Variants in MAP4 observed in about 807,000 individuals in gnomAD.
MAP4 encodes microtubule-associated protein 4.
Under a neutral mutation model 170.2 loss-of-function variants are expected in MAP4, and 76 were observed. The ratio of observed to expected loss-of-function variants is 0.45; its 90% CI spans 0.37 to 0.54. The LOEUF (loss-of-function observed/expected upper bound fraction) is 0.54. MAP4 is among the 20% of genes least tolerant of loss of function. The pLI is 0.00. For missense variants in MAP4, 2,506 were observed against 2,748.0 expected, an observed-to-expected ratio of 0.91 and a Z score of 1.97; for synonymous variants, 909 against 994.5, an observed-to-expected ratio of 0.91 and a Z score of 1.62.
rs2100034953 is a variant in MAP4, at chr3:47,909,699, G to A, written c.4722C>T (p.His1574=). 9 of 1,613,984 alleles carry A rather than the reference G, an allele frequency of 5.6e-6. No homozygotes were observed. Among genetic ancestry groups the A allele is most frequent in the Admixed American group, 1.7e-5 (1 of 60,026 alleles). ...CTTCTACTGGCACTCCAGGAAGGAG[G>A]TGACCTTTTGCTAGCTCTGTGACTT... The part of the protein sequence containing the change: ...VEKVTELAKG[H]LLPGVPVEDQ... Residue 1574 remains histidine (H), a synonymous_variant, in exon 9 of 21, where the codon CAC becomes CAT. Transcript: ENST00000683076.
intron 1 of MAP4, among the ~76,000 whole-genome samples, chr3:48,034,563 G>A (rs953481003): frequency 2.0e-5 from 3 of 151,920 alleles, no homozygotes; most frequent in African/African-American, 7.3e-5. Context: ...AAAGAGCTAA[G>A]CATTGTGGCA....
At chr3:48,052,365 CGT>C (rs1352883351) in intron 1 of MAP4, among the ~76,000 whole-genome samples, 1 of 152,082 alleles carries the variant, frequency 6.6e-6, no homozygotes, top group African/African-American at 2.4e-5. Flanking sequence ...GGATTATAGG[CGT>C]GCACTATCAC....
At chr3:47,895,999 A>C (rs1326454714) in intron 10 of MAP4, among the ~76,000 whole-genome samples, 1 of 151,952 alleles carries the variant, frequency 6.6e-6, no homozygotes, top group Non-Finnish European at 1.5e-5. Flanking sequence ...TGAAAGAAGC[A>C]ATCTGGGGTG....
rs182225289 is a variant in MAP4 at position 48,011,535 on chromosome 3, A to G, written c.-20+4799T>C. On this transcript the variant is annotated intron_variant, in intron 1 of 20. Transcript: ENST00000683076. The stretch of plus-strand genomic sequence containing the variant: ...GCCACTGCACTCCAGCCTACGTAAC[A>G]GAGCAAGACTCCGTCTCAAAAAAAA... Among the ~76,000 whole-genome samples the G allele has an allele frequency of 1.3e-4, 20 of 151,460 alleles. No homozygotes were observed. The East Asian group carries it at 1.9e-3, about 15-fold the overall frequency.
intron 1 of MAP4, among the ~76,000 whole-genome samples, chr3:48,055,066 G>C (rs973321785): frequency 6.6e-6 from 1 of 152,168 alleles, no homozygotes; most frequent in Non-Finnish European, 1.5e-5. Flanking sequence ...GCCAAGTAGG[G>C]TATCCAGGAA....
At chr3:47,942,847 C>A (rs2100057343) in intron 3 of MAP4, among the ~76,000 whole-genome samples, 1 of 152,172 alleles carries the variant, frequency 6.6e-6, no homozygotes, top group Non-Finnish European at 1.5e-5. Context: ...TGGCGGCTCA[C>A]ACCTGTAATC....
At chr3:47,857,378 A>G (rs942326398) in intron 18 of MAP4, 53 bp downstream of exon 18, 37 of 1,477,240 alleles carry the variant, frequency 2.5e-5, no homozygotes, top group Non-Finnish European at 3.2e-5. Context: ...CAGCTGACCC[A>G]TGGCAGGACG....
At chr3:47,891,132 G>T (rs1305597365) in intron 10 of MAP4, 1 of 1,536,200 alleles carries the variant, frequency 6.5e-7, no homozygotes, top group South Asian at 1.2e-5. Context: ...TTCTCTCCTC[G>T]CTGGCAAACC....
chr3:48,011,342 A>G (rs373853757), intron 1 of MAP4, among the ~76,000 whole-genome samples: 80 of 152,260 alleles, frequency 5.3e-4, no homozygotes, highest in African/African-American at 1.9e-3. Context: ...CAGCCTGGCC[A>G]ACACAGTAAA....
intron 17 of MAP4, among the ~76,000 whole-genome samples, chr3:47,865,964 T>C (rs1331532103): frequency 6.6e-6 from 1 of 152,144 alleles, no homozygotes; most frequent in Non-Finnish European, 1.5e-5. Context: ...GTGTCCCTAA[T>C]ACACATCATA....
chr3:48,036,464 T>C (rs2100118764), intron 1 of MAP4, among the ~76,000 whole-genome samples: 1 of 150,870 alleles, frequency 6.6e-6, no homozygotes, highest in Non-Finnish European at 1.5e-5. Flanking sequence ...AAACAGTTGT[T>C]ATTCATCATT....
At chr3:48,035,784 AC>A (rs1370266786) in intron 1 of MAP4, among the ~76,000 whole-genome samples, 1 of 151,904 alleles carries the variant, frequency 6.6e-6, no homozygotes, top group Non-Finnish European at 1.5e-5. Context: ...TACTAAAATT[AC>A]AAAAATTAGC....
At chr3:48,038,408 CAG>C (rs1243925971) in intron 1 of MAP4, among the ~76,000 whole-genome samples, 2 of 150,586 alleles carry the variant, frequency 1.3e-5, no homozygotes, top group South Asian at 2.1e-4. Context: ...ATAAATGAAA[CAG>C]AAGTTTTATA....
Position 47,914,922 on chromosome 3 carries a change from C to T in MAP4, c.1894G>A (p.Gly632Arg). 1 of 1,614,130 alleles carries T rather than the reference C, an allele frequency of 6.2e-7. No individual in the cohort carries two copies. Among genetic ancestry groups the T allele is most frequent in the Non-Finnish European group, 8.5e-7 (1 of 1,180,016 alleles). ...TCGGCCGGCAAGCTGCACTTTTTCC[C>T]CGTTCCTGTGACGGTTTCTAAAGGT... ...MISPETVTGT[G>R]KKCSLPAEED... Residue 632 changes from glycine (G) to arginine (R), a missense_variant, in exon 8 of 21, where the codon GGG becomes AGG. By Grantham distance (125) the Gly-to-Arg change is moderately radical (BLOSUM62 -2). Transcript: ENST00000683076.
chr3:47,970,620 G>A (rs2100078084), intron 3 of MAP4, among the ~76,000 whole-genome samples: 1 of 151,792 alleles, frequency 6.6e-6, no homozygotes, highest in Non-Finnish European at 1.5e-5. Flanking sequence ...GACCAGCCTG[G>A]CCAACATGGT....
At chr3:47,926,102 C>T (rs2153749822) in intron 4 of MAP4, among the ~76,000 whole-genome samples, 2 of 150,054 alleles carry the variant, frequency 1.3e-5, no homozygotes, top group South Asian at 2.1e-4. Flanking sequence ...GTGATCTGCC[C>T]ACCTCAGCCT....
intron 3 of MAP4, among the ~76,000 whole-genome samples, chr3:47,935,239 G>A (rs1334092655): frequency 6.6e-6 from 1 of 152,128 alleles, no homozygotes; most frequent in Non-Finnish European, 1.5e-5. Flanking sequence ...TAGGAGACTA[G>A]AACTTAATTG....
chr3:47,935,194 A>G (rs1483644921), intron 3 of MAP4, among the ~76,000 whole-genome samples: 1 of 152,248 alleles, frequency 6.6e-6, no homozygotes, highest in East Asian at 1.9e-4. Context: ...GAACAGTCAC[A>G]TAACACAGTC....
intron 3 of MAP4, chr3:47,975,057 T>A: frequency 9.6e-7 from 1 of 1,039,676 alleles, no homozygotes; most frequent in Non-Finnish European, 1.2e-6. Flanking sequence ...TTCTGATTCA[T>A]GTTGAACATT....
Sources: gnomAD v4.1 joint callset for allele counts (sites outside exome capture counted in the v4.1 genomes callset) on GRCh38, gnomAD v4.1.1 for gene constraint, MANE v1.5 for transcripts, NCBI Gene and HGNC (gene_info 2026-07-23, HGNC 2026-07-21) for gene names.